SHROOM3: variants seen among roughly 807,000 people sequenced by gnomAD.
SHROOM3 encodes the protein protein Shroom3.
A neutral mutation model predicts 138.6 loss-of-function variants in SHROOM3; 47 were observed. The observed-to-expected ratio is 0.34, with a 90% CI of 0.27 to 0.43. The LOEUF (loss-of-function observed/expected upper bound fraction) is 0.43. Ranked by LOEUF, SHROOM3 falls within the 20% of genes least tolerant of loss-of-function variation. The pLI is 1.00. For synonymous variants in SHROOM3, 1,062 were observed against 1,063.3 expected (o/e 1.00, Z 0.02); for missense variants, 2,491 against 2,596.5 (o/e 0.96, Z 0.88).
At chr4:76,493,797 G>A (rs2109995057) in intron 1 of SHROOM3, among the ~76,000 whole-genome samples, 1 of 152,312 alleles carries the variant, frequency 6.6e-6, no homozygotes, top group African/African-American at 2.4e-5. Context: ...TGGCCAACAT[G>A]GTGAAAGCCT....
chr4:76,443,433 A>G (rs1730738828), intron 1 of SHROOM3, among the ~76,000 whole-genome samples: 1 of 152,236 alleles, frequency 6.6e-6, no homozygotes, highest in Non-Finnish European at 1.5e-5. Flanking sequence ...TCAATTTTTG[A>G]AAAAACAAAA....
chr4:76,616,761 G>T (rs1734890552), intron 2 of SHROOM3, among the ~76,000 whole-genome samples: 1 of 152,152 alleles, frequency 6.6e-6, no homozygotes, highest in Non-Finnish European at 1.5e-5. Context: ...GTGGTGATGG[G>T]ATGCAGCAAT....
At position 76,461,914 on chromosome 4, in the gene SHROOM3, A is replaced by G. The variant is rs941575291; in HGVS notation, c.168+25694A>G. 2.6e-5 allele frequency among the ~76,000 whole-genome samples: 4 copies of G among 152,216 alleles called. No homozygotes were observed. In the East Asian group the frequency reaches 5.8e-4, roughly 22 times the overall value. Reference sequence around the variant, plus strand: ...GCCAAATTAAATGGGAATGTTAGGAATCACACCTGTATCTTTTAAGTCTTT... The same window carrying G: ...GCCAAATTAAATGGGAATGTTAGGAGTCACACCTGTATCTTTTAAGTCTTT... On this transcript the variant is annotated intron_variant, in intron 1 of 10. Coordinates refer to ENST00000296043, the MANE Select transcript of SHROOM3 (RefSeq NM_020859.4).
At chr4:76,680,801 T>C (rs188601648) in intron 2 of SHROOM3, among the ~76,000 whole-genome samples, 4 of 152,304 alleles carry the variant, frequency 2.6e-5, no homozygotes, top group Admixed American at 2.6e-4. Context: ...GGACTCAAAT[T>C]TACCTATTCT....
intron 3 of SHROOM3, among the ~76,000 whole-genome samples, chr4:76,713,156 T>G (rs11730585): frequency 0.011 from 1,602 of 152,378 alleles, 13 homozygotes; most frequent in Non-Finnish European, 0.016. Context: ...ACGCCAAATT[T>G]ATTTAAAATT....
At chr4:76,527,312 G>A (rs757431898) in intron 1 of SHROOM3, among the ~76,000 whole-genome samples, 1 of 152,212 alleles carries the variant, frequency 6.6e-6, no homozygotes, top group Non-Finnish European at 1.5e-5. Context: ...GCTGGGCGCG[G>A]TGGCTCATGC....
chr4:76,687,469 G>A (rs1400491667), intron 2 of SHROOM3, among the ~76,000 whole-genome samples: 1 of 152,162 alleles, frequency 6.6e-6, no homozygotes, highest in Non-Finnish European at 1.5e-5. Context: ...ACTATTTCAG[G>A]TCATTCTTTC....
rs1049485785 is a variant in SHROOM3 at position 76,739,636 on chromosome 4, A to G, written c.1463A>G (p.Asn488Ser). 5 of 1,614,018 alleles carry G rather than the reference A, an allele frequency of 3.1e-6. No individual in the cohort carries two copies. In the African/African-American group the frequency reaches 5.3e-5, roughly 17 times the overall value. ...AQVPQPSVSS[N>S]GMLYPALAKE... ...GTGCCTCAGCCTTCTGTGAGTAGCA[A>G]CGGTATGCTCTACCCTGCACTGGCC... is the stretch of plus-strand genomic sequence containing the variant. The change falls in exon 5 of 11, where the codon AAC becomes AGC. Residue 488 changes from asparagine to serine, a missense_variant. This residue lies in a region of SHROOM3 where 1,733 missense variants were observed against 1,661.6 expected (regional missense o/e 1.04). Coordinates refer to ENST00000296043, the MANE Select transcript of SHROOM3 (RefSeq NM_020859.4).
intron 2 of SHROOM3, among the ~76,000 whole-genome samples, chr4:76,635,026 C>T (rs1267444887): frequency 6.6e-6 from 1 of 152,158 alleles, no homozygotes; most frequent in Non-Finnish European, 1.5e-5. Flanking sequence ...GGGCATTATG[C>T]TGACGATACT....
Position 76,558,920 on chromosome 4 carries a change from G to A in SHROOM3, c.323+3157G>A, listed in dbSNP as rs368999315. On this transcript the variant is annotated intron_variant, in intron 2 of 10. Transcript: ENST00000296043. ...GGGGCTTGGCTGCCAGGCGGCCAGA[G>A]ATTCACATCCAGAAGCAAGGGCCCT... Among the ~76,000 whole-genome samples, 44 of 152,334 alleles carry A rather than the reference G, an allele frequency of 2.9e-4. 1 individual carries two copies. In the East Asian group the frequency reaches 4.4e-3, roughly 15 times the overall value.
chr4:76,623,812 A>G (rs1052414436), intron 2 of SHROOM3, among the ~76,000 whole-genome samples: 5 of 152,200 alleles, frequency 3.3e-5, no homozygotes, highest in African/African-American at 9.7e-5. Flanking sequence ...GTGGAATTGA[A>G]TGAACACGCC....
At chr4:76,691,986 G>A (rs1719566419) in intron 2 of SHROOM3, among the ~76,000 whole-genome samples, 1 of 152,180 alleles carries the variant, frequency 6.6e-6, no homozygotes, top group East Asian at 1.9e-4. Context: ...CTGTTTGACA[G>A]AAGTATCCTG....
At chr4:76,771,207 G>A (rs965166986) in intron 10 of SHROOM3, among the ~76,000 whole-genome samples, 3 of 152,084 alleles carry the variant, frequency 2.0e-5, no homozygotes, top group Non-Finnish European at 4.4e-5. Flanking sequence ...GTGAAACCCT[G>A]TCTCTACTAA....
intron 10 of SHROOM3, among the ~76,000 whole-genome samples, chr4:76,778,491 G>C (rs1722646265): frequency 6.6e-6 from 1 of 152,126 alleles, no homozygotes; most frequent in African/African-American, 2.4e-5. Context: ...CAAAGTGCTG[G>C]AATTATAGGC....
chr4:76,441,234 A>G (rs1730671641), intron 1 of SHROOM3, among the ~76,000 whole-genome samples: 1 of 151,810 alleles, frequency 6.6e-6, no homozygotes, highest in Non-Finnish European at 1.5e-5. Flanking sequence ...AGCTGGGACT[A>G]CAGGCGCCTG....
At chr4:76,496,367 G>A (rs1731969196) in intron 1 of SHROOM3, among the ~76,000 whole-genome samples, 1 of 152,210 alleles carries the variant, frequency 6.6e-6, no homozygotes, top group Admixed American at 6.5e-5. Flanking sequence ...CCTGTGTCAG[G>A]CCTTCGTGGA....
chr4:76,493,224 CAAAAAA>C (rs35837765), intron 1 of SHROOM3, among the ~76,000 whole-genome samples: 9 of 56,524 alleles, frequency 1.6e-4, no homozygotes, highest in African/African-American at 5.2e-4. Flanking sequence ...AACTCCATCT[CAAAAAA>C]AAAAAAAAAA....
At chr4:76,467,492 T>C (rs1055782522) in intron 1 of SHROOM3, among the ~76,000 whole-genome samples, 4 of 152,188 alleles carry the variant, frequency 2.6e-5, no homozygotes, top group Non-Finnish European at 4.4e-5. Flanking sequence ...ATTTTGGAAC[T>C]GTGAAGGCTA....
chr4:76,529,421 G>T (rs899363642), intron 1 of SHROOM3, among the ~76,000 whole-genome samples: 1 of 151,684 alleles, frequency 6.6e-6, no homozygotes, highest in Non-Finnish European at 1.5e-5. Flanking sequence ...AGTTCACACC[G>T]TTCTCTTGCC....
Sources: gnomAD v4.1 joint callset for allele counts (sites outside exome capture counted in the v4.1 genomes callset) on GRCh38, gnomAD v4.1.1 for gene constraint, gnomAD v4.1.1 regional missense constraint, MANE v1.5 for transcripts, NCBI Gene and HGNC (gene_info 2026-07-23, HGNC 2026-07-21) for gene names.